LINGO2: variants seen among roughly 807,000 people sequenced by gnomAD.
LINGO2 encodes leucine-rich repeat and immunoglobulin-like domain-containing nogo receptor-interacting protein 2.
Under a neutral mutation model 30.6 loss-of-function variants are expected in LINGO2, and 14 were observed. That is an observed-to-expected ratio of 0.46 (90% CI 0.30 to 0.72). The LOEUF is 0.72. Among genes scored for constraint, LINGO2 ranks in the 30% least tolerant of loss-of-function variants. The pLI, the probability that LINGO2 is intolerant of heterozygous loss-of-function variation, is 0.07. For synonymous variants in LINGO2, 317 were observed against 288.5 expected (o/e 1.10, Z -1.00); for missense variants, 729 against 751.7 (o/e 0.97, Z 0.35).
the LINGO2 span, among the ~76,000 whole-genome samples, chr9:29,031,716 G>A: frequency 6.6e-6 from 1 of 152,106 alleles, no homozygotes; most frequent in African/African-American, 2.4e-5. Flanking sequence ...TAAAAATGGA[G>A]TATAATTTTA....
At chr9:28,221,513 C>G (rs934562951) in intron 4 of LINGO2, among the ~76,000 whole-genome samples, 3 of 151,456 alleles carry the variant, frequency 2.0e-5, no homozygotes, top group African/African-American at 7.3e-5. Flanking sequence ...TGTTGGGATC[C>G]GATTTAAAAA....
chr9:29,071,505 A>G, the LINGO2 span, among the ~76,000 whole-genome samples: 3 of 120,388 alleles, frequency 2.5e-5, no homozygotes, highest in African/African-American at 6.2e-5. Flanking sequence ...ATATATATAT[A>G]TATATATATA....
At chr9:28,067,548 C>T (rs1366321157) in intron 4 of LINGO2, among the ~76,000 whole-genome samples, 8 of 152,062 alleles carry the variant, frequency 5.3e-5, no homozygotes, top group South Asian at 2.1e-4. Context: ...TGACCTCGGA[C>T]GATGTACTTT....
intron 4 of LINGO2, among the ~76,000 whole-genome samples, chr9:28,031,450 GATTAA>G (rs1475445876): frequency 6.6e-6 from 1 of 150,690 alleles, no homozygotes; most frequent in Non-Finnish European, 1.5e-5. Context: ...ATTGTGGAAT[GATTAA>G]ATCAATCTAA....
intron 5 of LINGO2, among the ~76,000 whole-genome samples, chr9:28,005,016 C>T (rs916477272): frequency 6.6e-5 from 10 of 152,104 alleles, no homozygotes; most frequent in African/African-American, 1.2e-4. Context: ...GCCTTTGTTA[C>T]GCAAGAAGAG....
At chr9:28,632,269 TATA>T (rs962519488) in intron 1 of LINGO2, among the ~76,000 whole-genome samples, 1 of 151,980 alleles carries the variant, frequency 6.6e-6, no homozygotes, top group Non-Finnish European at 1.5e-5. Flanking sequence ...AGCAATCAAA[TATA>T]AAAATGGAAA....
At chr9:29,129,890 G>C in the LINGO2 span, among the ~76,000 whole-genome samples, 2 of 152,082 alleles carry the variant, frequency 1.3e-5, no homozygotes, top group African/African-American at 4.8e-5. Context: ...TTTAAAAAGA[G>C]GGATGTTTAG....
chr9:28,622,911 A>G (rs1045401422), intron 1 of LINGO2, among the ~76,000 whole-genome samples: 29 of 152,046 alleles, frequency 1.9e-4, no homozygotes, highest in Middle Eastern at 6.8e-3. Flanking sequence ...ATCTCATTGC[A>G]GTATTGATTT....
At chr9:28,994,900 T>C in the LINGO2 span, among the ~76,000 whole-genome samples, 3 of 152,146 alleles carry the variant, frequency 2.0e-5, no homozygotes, top group African/African-American at 7.2e-5. Flanking sequence ...ACGTTAGACC[T>C]AAAACCATAA....
intron 1 of LINGO2, among the ~76,000 whole-genome samples, chr9:28,526,753 A>G (rs1186396244): frequency 6.6e-6 from 1 of 152,216 alleles, no homozygotes; most frequent in Non-Finnish European, 1.5e-5. Context: ...ATGCCACATT[A>G]CAGGATGCCA....
At chr9:28,969,658 A>T in the LINGO2 span, among the ~76,000 whole-genome samples, 1 of 152,130 alleles carries the variant, frequency 6.6e-6, no homozygotes, top group Non-Finnish European at 1.5e-5. Flanking sequence ...TAATGGTAGT[A>T]CAGATAGTGA....
the LINGO2 span, among the ~76,000 whole-genome samples, chr9:28,926,591 T>G: frequency 6.6e-6 from 1 of 152,214 alleles, no homozygotes; most frequent in Non-Finnish European, 1.5e-5. Flanking sequence ...ATTTGTCATT[T>G]GTCTAAAAGG....
intron 1 of LINGO2, among the ~76,000 whole-genome samples, chr9:28,490,132 C>A (rs931684353): frequency 8.6e-5 from 13 of 152,002 alleles, no homozygotes; most frequent in African/African-American, 3.1e-4. Context: ...GCTTTCGAAT[C>A]CTACCCCAGT....
At chr9:28,745,476 T>C in the LINGO2 span, among the ~76,000 whole-genome samples, 1 of 152,052 alleles carries the variant, frequency 6.6e-6, no homozygotes, top group South Asian at 2.1e-4. Flanking sequence ...ATACCAAGAT[T>C]TAGTCAATTT....
chr9:28,209,026 G>A lies in LINGO2; in HGVS notation c.-87+86182C>T, dbSNP rs1240796840. Among the ~76,000 whole-genome samples the A allele has an allele frequency of 2.6e-5, 4 of 151,938 alleles. No individual in the cohort carries two copies. In the East Asian group the frequency reaches 7.7e-4, roughly 29 times the overall value. ...GGAGAGAGTAGAGATAAATGCATGT[G>A]TTCCGTATGTCATATTTCTTCCTGT... On this transcript the variant is annotated intron_variant, in intron 4 of 5. Coordinates refer to ENST00000379992, the Ensembl canonical transcript of LINGO2.
intron 1 of LINGO2, among the ~76,000 whole-genome samples, chr9:28,634,358 C>T (rs1386204173): frequency 6.6e-6 from 1 of 152,042 alleles, no homozygotes; most frequent in African/African-American, 2.4e-5. Flanking sequence ...TGCAGACAAT[C>T]TCTTTTATGT....
intron 4 of LINGO2, among the ~76,000 whole-genome samples, chr9:28,086,203 CT>C: frequency 6.6e-6 from 1 of 151,930 alleles, no homozygotes; most frequent in East Asian, 1.9e-4. Flanking sequence ...ACATTTTTAA[CT>C]ATAAAAAAAT....
At chr9:28,113,922 G>GC (rs1172286391) in intron 4 of LINGO2, among the ~76,000 whole-genome samples, 41 of 47,306 alleles carry the variant, frequency 8.7e-4, no homozygotes, top group Non-Finnish European at 1.7e-3. Context: ...CTGCCTGATT[G>GC]CCCTGGCCAG....
chr9:28,925,876 T>C, the LINGO2 span, among the ~76,000 whole-genome samples: 47 of 152,344 alleles, frequency 3.1e-4, no homozygotes, highest in African/African-American at 1.1e-3. Flanking sequence ...GCAGTGAGTT[T>C]ATGCCACATA....
Sources: gnomAD v4.1 joint callset for allele counts (sites outside exome capture counted in the v4.1 genomes callset) on GRCh38, gnomAD v4.1.1 for gene constraint, MANE v1.5 for transcripts, NCBI Gene and HGNC (gene_info 2026-07-23, HGNC 2026-07-21) for gene names.